Variants in ITGA8 observed in about 807,000 individuals in gnomAD.
ITGA8 encodes the protein integrin alpha-8.
A neutral mutation model predicts 142.3 loss-of-function variants in ITGA8; 91 were observed. The observed-to-expected ratio is 0.64, with a 90% CI of 0.54 to 0.76. The LOEUF is 0.76. ITGA8 is among the 30% of genes least tolerant of loss of function. ITGA8 has a pLI of 0.00. For synonymous variants in ITGA8, 505 were observed against 485.2 expected (o/e 1.04, Z -0.54); for missense variants, 1,406 against 1,327.7 (o/e 1.06, Z -0.92).
intron 8 of ITGA8, among the ~76,000 whole-genome samples, chr10:15,670,696 T>C (rs565684062): frequency 5.3e-5 from 8 of 152,238 alleles, no homozygotes; most frequent in Non-Finnish European, 1.2e-4. Flanking sequence ...TTTTTTCTTT[T>C]AGATTACAAG....
At chr10:15,569,688 C>T (rs1332015919) in intron 25 of ITGA8, among the ~76,000 whole-genome samples, 1 of 152,196 alleles carries the variant, frequency 6.6e-6, no homozygotes. Context: ...CGAGTAGCTA[C>T]AAACATCGCT....
intron 14 of ITGA8, among the ~76,000 whole-genome samples, chr10:15,615,022 T>C (rs1001287736): frequency 6.6e-6 from 1 of 152,120 alleles, no homozygotes; most frequent in Non-Finnish European, 1.5e-5. Flanking sequence ...GCCTGGGCAA[T>C]GGAGAGTCCT....
At chr10:15,667,112 C>A (rs1456166768) in intron 8 of ITGA8, among the ~76,000 whole-genome samples, 1 of 152,278 alleles carries the variant, frequency 6.6e-6, no homozygotes, top group South Asian at 2.1e-4. Context: ...CCTCTTTGCA[C>A]CTCTGGTAGA....
At chr10:15,693,927 G>A (rs542370655) in intron 2 of ITGA8, among the ~76,000 whole-genome samples, 35 of 151,780 alleles carry the variant, frequency 2.3e-4, no homozygotes, top group African/African-American at 7.0e-4. Flanking sequence ...TGAAGACAGC[G>A]TAAGTCTGTG....
rs576602247 is a variant in ITGA8, at chr10:15,662,674, T to A, written c.848-1752A>T. On this transcript the variant is annotated intron_variant, in intron 8 of 29. Transcript: ENST00000378076. ...TAATAATCAATATAATCAGGAAAAATTTAGATCCTTGACCTAGGAACACAT... is the reference window on the plus strand; with the variant it reads ...TAATAATCAATATAATCAGGAAAAAATTAGATCCTTGACCTAGGAACACAT... Among the ~76,000 whole-genome samples the A allele has an allele frequency of 2.6e-4, 39 of 152,120 alleles. No individual in the cohort carries two copies. The East Asian group carries it at 3.5e-3, about 14-fold the overall frequency.
Position 15,593,825 on chromosome 10 carries a change from A to G in ITGA8, c.2212-1521T>C, listed in dbSNP as rs537344271. The stretch of plus-strand genomic sequence containing the variant: ...AGCTAGTATTTAATGCTAAGGCATT[A>G]CGCCCCAGCAAAGATTTTTTTTTTT... On this transcript the variant is annotated intron_variant, in intron 21 of 29. Coordinates refer to ENST00000378076, the MANE Select transcript of ITGA8 (RefSeq NM_003638.3). Among the ~76,000 whole-genome samples, 69 of 148,924 alleles carry G rather than the reference A, an allele frequency of 4.6e-4. 1 individual carries two copies. In the South Asian group the frequency reaches 0.011, roughly 24 times the overall value.
At position 15,616,360 on chromosome 10, in the gene ITGA8, G is replaced by C. The variant is rs145690287; in HGVS notation, c.1445+154C>G. Among the ~76,000 whole-genome samples the C allele has an allele frequency of 1.5e-4, 23 of 152,258 alleles. No individual in the cohort carries two copies. The East Asian group carries it at 4.4e-3, about 29-fold the overall frequency. Reference sequence around the variant, plus strand: ...TATGAGAGTAAAAATGCAAAGGAAAGAAAGAGTGAGAGCAAAAAATACCTC... The same window carrying C: ...TATGAGAGTAAAAATGCAAAGGAAACAAAGAGTGAGAGCAAAAAATACCTC... On this transcript the variant is annotated intron_variant, in intron 14 of 29. Coordinates refer to ENST00000378076, the MANE Select transcript of ITGA8 (RefSeq NM_003638.3).
In ITGA8 at chr10:15,663,908, A is replaced by G. The variant is rs2131675436; in HGVS notation, c.848-2986T>C. Among the ~76,000 whole-genome samples, 3 of 152,238 alleles carry G rather than the reference A, an allele frequency of 2.0e-5. No individual in the cohort carries two copies. In the Middle Eastern group the frequency reaches 0.01, roughly 518 times the overall value. ...CTAATGCCACATTAAAAAAAATAATAATTTGGCATGTTTTACAGTTTCCTT... is the reference window on the plus strand; with the variant it reads ...CTAATGCCACATTAAAAAAAATAATGATTTGGCATGTTTTACAGTTTCCTT... On this transcript the variant is annotated intron_variant, in intron 8 of 29. Coordinates refer to ENST00000378076, the MANE Select transcript of ITGA8 (RefSeq NM_003638.3).
intron 2 of ITGA8, among the ~76,000 whole-genome samples, chr10:15,699,887 A>G (rs936815363): frequency 6.6e-6 from 1 of 151,998 alleles, no homozygotes; most frequent in Non-Finnish European, 1.5e-5. Context: ...TTTTGTTTTC[A>G]TTTGCATTTT....
chr10:15,626,613 C>A (rs1223258650), intron 13 of ITGA8, among the ~76,000 whole-genome samples: 2 of 151,756 alleles, frequency 1.3e-5, no homozygotes, highest in African/African-American at 4.9e-5. Flanking sequence ...AAACAATGAA[C>A]CTCAGGTATT....
chr10:15,631,226 A>C (rs1833679171), intron 13 of ITGA8, among the ~76,000 whole-genome samples: 1 of 152,034 alleles, frequency 6.6e-6, no homozygotes, highest in Non-Finnish European at 1.5e-5. Flanking sequence ...GTACATACCC[A>C]AAGGATTATA....
chr10:15,552,499 T>G (rs988997029), intron 26 of ITGA8, among the ~76,000 whole-genome samples: 1 of 152,216 alleles, frequency 6.6e-6, no homozygotes, highest in Non-Finnish European at 1.5e-5. Flanking sequence ...TTCAGAGGGA[T>G]TTTTCCCATT....
chr10:15,568,729 A>G (rs1229439451), intron 25 of ITGA8, among the ~76,000 whole-genome samples: 1 of 152,200 alleles, frequency 6.6e-6, no homozygotes, highest in Non-Finnish European at 1.5e-5. Flanking sequence ...TTAATCCTCA[A>G]TAGGGCTTTG....
rs552276526 is a variant in ITGA8 at position 15,585,384 on chromosome 10, C to T, written c.2372+1200G>A. Among the ~76,000 whole-genome samples, 8 of 152,248 alleles carry T rather than the reference C, an allele frequency of 5.3e-5. No homozygotes were observed. In the South Asian group the frequency reaches 1.7e-3, roughly 32 times the overall value. ...TAAGATGGGCTAACTTGGAGTAGCACCCAGAAGGGAACAGTGTATGTTAGA... is the reference window on the plus strand; with the variant it reads ...TAAGATGGGCTAACTTGGAGTAGCATCCAGAAGGGAACAGTGTATGTTAGA... On this transcript the variant is annotated intron_variant, in intron 23 of 29. Transcript: ENST00000378076.
chr10:15,528,088 T>C (rs1306556199), intron 28 of ITGA8, among the ~76,000 whole-genome samples: 1 of 151,812 alleles, frequency 6.6e-6, no homozygotes, highest in Non-Finnish European at 1.5e-5. Flanking sequence ...GCTAATTTTA[T>C]GCTTTTTGTT....
chr10:15,627,674 C>T (rs914601927), intron 13 of ITGA8, among the ~76,000 whole-genome samples: 4 of 152,216 alleles, frequency 2.6e-5, no homozygotes, highest in African/African-American at 4.8e-5. Context: ...CCCAAGTCAA[C>T]ATCTGATGGC....
chr10:15,550,525 A>T (rs543248811), intron 26 of ITGA8, among the ~76,000 whole-genome samples: 1 of 152,254 alleles, frequency 6.6e-6, no homozygotes, highest in African/African-American at 2.4e-5. Flanking sequence ...CTGCTAGAGG[A>T]TTCTGGAGAA....
chr10:15,568,154 C>A (rs1422784148), intron 25 of ITGA8, among the ~76,000 whole-genome samples: 1 of 152,096 alleles, frequency 6.6e-6, no homozygotes, highest in Admixed American at 6.6e-5. Flanking sequence ...AAACTCCTGG[C>A]CTCAAGTGAT....
intron 11 of ITGA8, among the ~76,000 whole-genome samples, chr10:15,651,129 A>G (rs376840722): frequency 6.6e-6 from 1 of 152,172 alleles, no homozygotes; most frequent in Non-Finnish European, 1.5e-5. Context: ...AAAGTATCCA[A>G]TGGATTAAAT....
Sources: allele counts gnomAD v4.1 joint callset (sites outside exome capture counted in the v4.1 genomes callset), GRCh38; gene constraint gnomAD v4.1.1; transcripts MANE v1.5; gene names NCBI Gene and HGNC (gene_info 2026-07-23, HGNC 2026-07-21).